ZCWPW2: variants seen among roughly 807,000 people sequenced by gnomAD.
The protein encoded by ZCWPW2 is zinc finger CW-type and PWWP domain containing 2.
In ZCWPW2, 45 loss-of-function variants were observed where a neutral mutation model predicts 46.6. The ratio of observed to expected loss-of-function variants is 0.96; its 90% CI spans 0.76 to 1.24. The LOEUF is 1.24. ZCWPW2 is among the 50% of genes most tolerant of loss of function. The pLI is 0.00. For synonymous variants in ZCWPW2, 152 were observed against 137.1 expected, an observed-to-expected ratio of 1.11 and a Z score of -0.76; for missense variants, 429 against 403.9, an observed-to-expected ratio of 1.06 and a Z score of -0.53.
Position 28,390,535 on chromosome 3 carries a change from C to G in ZCWPW2, c.-96C>G. On this transcript the variant is annotated 5_prime_UTR_variant, in exon 2 of 10. Transcript: ENST00000383768. ...AGAACGCCTGCCTCTTTAGTGACTA[C>G]AGACCTCACTTCCCTTCTCTGGAGT... is the stretch of plus-strand genomic sequence containing the variant. 1 of 985,384 alleles carries G rather than the reference C, an allele frequency of 1.0e-6. No individual in the cohort carries two copies. Among genetic ancestry groups the G allele is most frequent in the Non-Finnish European group, 1.2e-6 (1 of 829,906 alleles). The allele number at this position is 985,384 out of a possible 1,614,324, so 61.0% of individuals were successfully genotyped here. A position where few individuals can be genotyped will look rare whatever the true frequency, so the allele number is the denominator to read the frequency against.
chr3:28,499,382 A>G (rs976733463), intron 6 of ZCWPW2, among the ~76,000 whole-genome samples: 10 of 151,946 alleles, frequency 6.6e-5, no homozygotes, highest in Admixed American at 5.9e-4. Flanking sequence ...TTTGATTTGC[A>G]TTTCTCTAAT....
At chr3:28,494,917 G>T (rs1234243708) in intron 6 of ZCWPW2, among the ~76,000 whole-genome samples, 59 of 148,448 alleles carry the variant, frequency 4.0e-4, no homozygotes, top group Middle Eastern at 3.5e-3. Flanking sequence ...CACTGCTCAA[G>T]GAAATAAAAG....
intron 6 of ZCWPW2, among the ~76,000 whole-genome samples, chr3:28,501,642 C>A (rs1700146641): frequency 6.6e-6 from 1 of 152,132 alleles, no homozygotes; most frequent in African/African-American, 2.4e-5. Flanking sequence ...ATAAAACTAT[C>A]ATCCCCAATC....
chr3:28,523,712 G>T (rs1002654070), intron 9 of ZCWPW2, among the ~76,000 whole-genome samples: 1 of 152,054 alleles, frequency 6.6e-6, no homozygotes, highest in Non-Finnish European at 1.5e-5. Context: ...TATACACATA[G>T]ATAATCAAAA....
At chr3:28,436,235 G>A (rs932371429) in intron 4 of ZCWPW2, among the ~76,000 whole-genome samples, 1 of 151,496 alleles carries the variant, frequency 6.6e-6, no homozygotes, top group African/African-American at 2.4e-5. Context: ...CTTTTCATCT[G>A]CAAATCATGC....
chr3:28,414,359 A>C (rs1465375271), intron 3 of ZCWPW2, among the ~76,000 whole-genome samples: 2 of 150,514 alleles, frequency 1.3e-5, no homozygotes, highest in South Asian at 2.1e-4. Context: ...TTTAATTTTA[A>C]TTTTAGGTTC....
At chr3:28,424,537 T>C (rs1019993588) in intron 3 of ZCWPW2, among the ~76,000 whole-genome samples, 32 of 152,048 alleles carry the variant, frequency 2.1e-4, no homozygotes, top group Admixed American at 1.1e-3. Context: ...TGTGAGGACA[T>C]AGCAAGAAGG....
At chr3:28,419,943 A>G (rs1185087082) in intron 3 of ZCWPW2, among the ~76,000 whole-genome samples, 1 of 101,068 alleles carries the variant, frequency 9.9e-6, no homozygotes, top group East Asian at 3.7e-4. Context: ...GGGAGGGGGG[A>G]GGGATAGCAT....
At chr3:28,378,627 C>G (rs1255120569) in intron 1 of ZCWPW2, among the ~76,000 whole-genome samples, 1 of 152,086 alleles carries the variant, frequency 6.6e-6, no homozygotes, top group Admixed American at 6.6e-5. Context: ...AGAATTTAAG[C>G]CCAGACCTAG....
chr3:28,373,233 C>T (rs547564162), intron 1 of ZCWPW2, among the ~76,000 whole-genome samples: 2 of 152,264 alleles, frequency 1.3e-5, no homozygotes, highest in South Asian at 2.1e-4. Context: ...GACATCTATG[C>T]TCTTTTACAT....
At chr3:28,383,229 G>A (rs889009356) in intron 1 of ZCWPW2, among the ~76,000 whole-genome samples, 2 of 152,032 alleles carry the variant, frequency 1.3e-5, no homozygotes, top group Non-Finnish European at 2.9e-5. Context: ...AATGGCAAAT[G>A]TTTAGGATGA....
intron 1 of ZCWPW2, among the ~76,000 whole-genome samples, chr3:28,380,400 T>C (rs1695004702): frequency 6.6e-6 from 1 of 152,188 alleles, no homozygotes; most frequent in Non-Finnish European, 1.5e-5. Context: ...ATTTCCTCAC[T>C]TCCACAGAAA....
At chr3:28,453,650 T>TG (rs1698309754) in intron 4 of ZCWPW2, among the ~76,000 whole-genome samples, 1 of 152,072 alleles carries the variant, frequency 6.6e-6, no homozygotes. Context: ...TTCCCTTATA[T>TG]GTAAAGTTGC....
chr3:28,361,914 A>G (rs1704957968), intron 1 of ZCWPW2, among the ~76,000 whole-genome samples: 2 of 151,646 alleles, frequency 1.3e-5, no homozygotes, highest in South Asian at 2.1e-4. Context: ...ATCCTTGTGC[A>G]CTCTTGGTGG....
chr3:28,492,114 C>A lies in ZCWPW2; in HGVS notation c.611-13C>A, dbSNP rs1472917676. ...GCACTTTTTTGAAGCAGCCATGTTT[C>A]ATTGTCTTACAGATAAATCCGAAAC... On this transcript the variant is annotated splice_polypyrimidine_tract_variant and intron_variant, in intron 5 of 9. Coordinates refer to ENST00000383768, the MANE Select transcript of ZCWPW2 (RefSeq NM_001040432.4). 6.2e-7 allele frequency: 1 copy of A among 1,608,368 alleles called. No individual in the cohort carries two copies. The highest frequency in any genetic ancestry group is 1.1e-5 in the South Asian group (1 of 89,760).
At chr3:28,449,107 G>A (rs1698125171) in intron 4 of ZCWPW2, among the ~76,000 whole-genome samples, 1 of 152,074 alleles carries the variant, frequency 6.6e-6, no homozygotes, top group African/African-American at 2.4e-5. Context: ...AATTATTCTT[G>A]ACAGTGGGGC....
At chr3:28,402,257 C>A (rs2125729420) in intron 2 of ZCWPW2, among the ~76,000 whole-genome samples, 1 of 152,078 alleles carries the variant, frequency 6.6e-6, no homozygotes, top group East Asian at 1.9e-4. Context: ...TTAAATGACA[C>A]CACAGAAATA....
At chr3:28,368,640 G>GAGTT (rs1306695115) in intron 1 of ZCWPW2, among the ~76,000 whole-genome samples, 3 of 152,026 alleles carry the variant, frequency 2.0e-5, no homozygotes, top group Non-Finnish European at 4.4e-5. Flanking sequence ...ATGTGTCTTG[G>GAGTT]AGTTGCTCTT....
At chr3:28,490,211 C>T (rs1277162947) in intron 5 of ZCWPW2, among the ~76,000 whole-genome samples, 1 of 152,062 alleles carries the variant, frequency 6.6e-6, no homozygotes, top group Non-Finnish European at 1.5e-5. Context: ...ATGCTATATA[C>T]TACTTGTGGT....
Sources: allele counts gnomAD v4.1 joint callset (sites outside exome capture counted in the v4.1 genomes callset), GRCh38; gene constraint gnomAD v4.1.1; transcripts MANE v1.5; gene names NCBI Gene and HGNC (gene_info 2026-07-23, HGNC 2026-07-21).